SRSF11: variants seen among roughly 807,000 people sequenced by gnomAD.
SRSF11 encodes the protein serine and arginine rich splicing factor 11.
Under a neutral mutation model 56.0 loss-of-function variants are expected in SRSF11, and 9 were observed. The ratio of observed to expected loss-of-function variants is 0.16; its 90% CI spans 0.10 to 0.28. The LOEUF (loss-of-function observed/expected upper bound fraction) is 0.28, where lower values mean the gene tolerates loss of function less well. SRSF11 is among the 10% of genes least tolerant of loss of function. SRSF11 has a pLI of 1.00. For synonymous variants in SRSF11, 222 were observed against 215.3 expected (o/e 1.03, Z -0.27); for missense variants, 421 against 600.7 (o/e 0.70, Z 3.13).
chr1:70,249,663 T>TC (rs1383514771), intron 9 of SRSF11: 2 of 279,670 alleles, frequency 7.2e-6, no homozygotes, highest in African/African-American at 4.4e-5. Flanking sequence ...GCTCAAGTGA[T>TC]CTTCCTGCCT....
At chr1:70,235,583 G>A in intron 5 of SRSF11, 33 bp downstream of exon 5, 1 of 1,599,388 alleles carries the variant, frequency 6.3e-7, no homozygotes, top group Non-Finnish European at 8.5e-7. Context: ...CATTGGTGAT[G>A]TGGTATCTGA....
At chr1:70,237,716 G>C (rs952391764) in intron 6 of SRSF11, among the ~76,000 whole-genome samples, 164 bp downstream of exon 6, 19 of 152,306 alleles carry the variant, frequency 1.2e-4, no homozygotes, top group African/African-American at 4.6e-4. Flanking sequence ...AGACAATTCT[G>C]GTGGTCACAG....
intron 7 of SRSF11, 146 bp downstream of exon 7, chr1:70,239,666 C>A: frequency 4.2e-5 from 22 of 520,436 alleles, no homozygotes; most frequent in East Asian, 1.0e-4. Flanking sequence ...ACTGTTCACA[C>A]ATGTAAAAAG....
At chr1:70,240,587 C>T (rs1263119688) in intron 7 of SRSF11, among the ~76,000 whole-genome samples, 3 of 150,646 alleles carry the variant, frequency 2.0e-5, no homozygotes, top group Non-Finnish European at 4.4e-5. Context: ...AGGTTATTCA[C>T]CAACTATTTC....
intron 3 of SRSF11, 131 bp downstream of exon 3, chr1:70,232,508 A>G (rs1673031409): frequency 7.7e-6 from 5 of 652,664 alleles, no homozygotes; most frequent in Non-Finnish European, 1.1e-5. Flanking sequence ...CTATATCAAA[A>G]TCACAAATAG....
intron 1 of SRSF11, among the ~76,000 whole-genome samples, chr1:70,208,189 A>G (rs932541663): frequency 2.6e-5 from 4 of 152,232 alleles, no homozygotes; most frequent in African/African-American, 9.6e-5. Context: ...TTCATCTTGT[A>G]TAAGGAAAGT....
chr1:70,225,268 T>A (rs543440177), intron 1 of SRSF11, among the ~76,000 whole-genome samples: 12 of 152,208 alleles, frequency 7.9e-5, no homozygotes, highest in Non-Finnish European at 1.8e-4. Flanking sequence ...AATGGATACT[T>A]TAATGGTTAT....
At chr1:70,214,230 C>A (rs1669809833) in intron 1 of SRSF11, among the ~76,000 whole-genome samples, 1 of 152,142 alleles carries the variant, frequency 6.6e-6, no homozygotes, top group Non-Finnish European at 1.5e-5. Context: ...CCTCCAATGG[C>A]TTTTTGTCAG....
intron 1 of SRSF11, among the ~76,000 whole-genome samples, chr1:70,210,951 G>A (rs1016432320): frequency 6.6e-6 from 1 of 152,058 alleles, no homozygotes; most frequent in African/African-American, 2.4e-5. Context: ...AAACAAGGGT[G>A]GTGGTAAACC....
At chr1:70,235,991 A>C (rs1673903217) in intron 5 of SRSF11, among the ~76,000 whole-genome samples, 1 of 152,178 alleles carries the variant, frequency 6.6e-6, no homozygotes, top group South Asian at 2.1e-4. Flanking sequence ...TTCCGACTTG[A>C]TGATGTGACA....
chr1:70,210,153 T>C (rs1669428895), intron 1 of SRSF11, among the ~76,000 whole-genome samples: 1 of 151,826 alleles, frequency 6.6e-6, no homozygotes, highest in African/African-American at 2.4e-5. Context: ...TATTTTCTGC[T>C]CCCGCCCCCC....
chr1:70,228,452 C>A lies in SRSF11; in HGVS notation c.234C>A (p.Val78=). 3 of 1,611,520 alleles carry A rather than the reference C, an allele frequency of 1.9e-6. No individual in the cohort carries two copies. Among genetic ancestry groups the A allele is most frequent in the Non-Finnish European group, 2.5e-6 (3 of 1,178,754 alleles). ...CGCCTTTGCCAGTCTCATCTCGTGT[C>A]TGCTTTGTTAAGTTCCATGATCCAG... ...DDSPLPVSSR[V]CFVKFHDPDS... is the part of the protein sequence containing the mutation. Residue 78 remains valine (V), a synonymous_variant, in exon 2 of 12, where the codon GTC becomes GTA. Coordinates refer to ENST00000370949, the MANE Select transcript of SRSF11 (RefSeq NM_001350605.2).
chr1:70,230,179 C>A (rs2100724297), intron 2 of SRSF11: 1 of 982,910 alleles, frequency 1.0e-6, no homozygotes, highest in Non-Finnish European at 1.2e-6. Context: ...TATTTTCAGG[C>A]CATAGTAATT....
chr1:70,207,182 G>C (rs1669125093), intron 1 of SRSF11, among the ~76,000 whole-genome samples: 1 of 152,026 alleles, frequency 6.6e-6, no homozygotes, highest in Admixed American at 6.6e-5. Flanking sequence ...GTCAGTCGCC[G>C]TGCCCAGCCT....
At chr1:70,235,319 TTTTTG>T (rs199602336) in intron 4 of SRSF11, among the ~76,000 whole-genome samples, 177 bp from the exon 5 acceptor site, 1,819 of 152,188 alleles carry the variant, frequency 0.012, 39 homozygotes, top group African/African-American at 0.04. Flanking sequence ...ATGTCACCGG[TTTTTG>T]TTTTGTTTTG....
At chr1:70,216,233 A>G (rs554295316) in intron 1 of SRSF11, among the ~76,000 whole-genome samples, 1 of 152,226 alleles carries the variant, frequency 6.6e-6, no homozygotes, top group South Asian at 2.1e-4. Context: ...ATTGTCTAAT[A>G]TTATTTGACA....
At chr1:70,232,020 T>A in intron 2 of SRSF11, 1 of 1,521,920 alleles carries the variant, frequency 6.6e-7, no homozygotes, top group Non-Finnish European at 8.8e-7. Flanking sequence ...GTGTGTATTG[T>A]GCTATTTTTT....
intron 11 of SRSF11, 39 bp from the exon 12 acceptor site, chr1:70,250,569 C>T: frequency 6.2e-7 from 1 of 1,608,516 alleles, no homozygotes; most frequent in East Asian, 2.2e-5. Flanking sequence ...AGTTATTTTT[C>T]TTTGGAGAAG....
upstream of SRSF11, among the ~76,000 whole-genome samples, chr1:70,220,351 T>C (rs1381783075): frequency 2.0e-5 from 3 of 152,208 alleles, no homozygotes; most frequent in African/African-American, 4.8e-5. Flanking sequence ...GTCACTGGAC[T>C]ACACACTGGA....
Sources: gnomAD v4.1 joint callset for allele counts (sites outside exome capture counted in the v4.1 genomes callset) on GRCh38, gnomAD v4.1.1 for gene constraint, MANE v1.5 for transcripts, NCBI Gene and HGNC (gene_info 2026-07-23, HGNC 2026-07-21) for gene names.